Variants in PPARGC1A observed in about 807,000 individuals in gnomAD.
PPARGC1A encodes peroxisome proliferator-activated receptor gamma coactivator 1-alpha.
In PPARGC1A, 25 loss-of-function variants were observed where a neutral mutation model predicts 88.7. The observed-to-expected ratio is 0.28, with a 90% CI of 0.21 to 0.39. PPARGC1A has a LOEUF of 0.39. PPARGC1A is among the 10% of genes least tolerant of loss of function. The pLI, the probability that PPARGC1A is intolerant of heterozygous loss-of-function variation, is 1.00. For missense variants in PPARGC1A, 880 were observed against 968.7 expected, an observed-to-expected ratio of 0.91 and a Z score of 1.22; for synonymous variants, 363 against 355.6, an observed-to-expected ratio of 1.02 and a Z score of -0.24.
chr4:24,408,260 GAA>G, the PPARGC1A span, among the ~76,000 whole-genome samples: 1 of 113,886 alleles, frequency 8.8e-6, no homozygotes, highest in Admixed American at 8.7e-5. Flanking sequence ...TTCAAACAAA[GAA>G]AAAAAAAAGA....
At chr4:24,126,414 C>T in the PPARGC1A span, among the ~76,000 whole-genome samples, 1 of 152,110 alleles carries the variant, frequency 6.6e-6, no homozygotes, top group Admixed American at 6.6e-5. Context: ...TCTCTAGATC[C>T]TTGGCTTTGA....
At chr4:24,044,973 C>T in the PPARGC1A span, among the ~76,000 whole-genome samples, 1 of 152,190 alleles carries the variant, frequency 6.6e-6, no homozygotes, top group Non-Finnish European at 1.5e-5. Context: ...GTATTTTAAG[C>T]CCTACTGAGC....
chr4:24,269,216 ATAATGAATT>A, the PPARGC1A span, among the ~76,000 whole-genome samples: 1 of 152,198 alleles, frequency 6.6e-6, no homozygotes, highest in African/African-American at 2.4e-5. Context: ...AATATTTGAC[ATAATGAATT>A]TAATGAATTT....
At chr4:24,176,609 T>C in the PPARGC1A span, among the ~76,000 whole-genome samples, 1 of 152,098 alleles carries the variant, frequency 6.6e-6, no homozygotes, top group Non-Finnish European at 1.5e-5. Flanking sequence ...CCCTGGAGTG[T>C]GAAGAGCCCT....
At chr4:24,054,113 T>G in the PPARGC1A span, among the ~76,000 whole-genome samples, 1 of 152,156 alleles carries the variant, frequency 6.6e-6, no homozygotes, top group African/African-American at 2.4e-5. Flanking sequence ...TGTTGAAATC[T>G]CTAATGGAAA....
At chr4:24,375,805 G>A in the PPARGC1A span, among the ~76,000 whole-genome samples, 1 of 152,100 alleles carries the variant, frequency 6.6e-6, no homozygotes, top group Non-Finnish European at 1.5e-5. Context: ...TTAGGTTCAG[G>A]TGGAAGAGTG....
intron 10 of PPARGC1A, among the ~76,000 whole-genome samples, chr4:23,804,976 C>A (rs965112576): frequency 1.3e-5 from 2 of 152,088 alleles, no homozygotes; most frequent in Admixed American, 6.6e-5. Context: ...GTCCACTTCC[C>A]CAGGATAATA....
chr4:24,446,261 A>G, the PPARGC1A span, among the ~76,000 whole-genome samples: 1 of 152,140 alleles, frequency 6.6e-6, no homozygotes, highest in Admixed American at 6.5e-5. Flanking sequence ...TTACTTTTTT[A>G]TAATAGCCCT....
At chr4:23,992,709 T>G in the PPARGC1A span, among the ~76,000 whole-genome samples, 2 of 152,096 alleles carry the variant, frequency 1.3e-5, no homozygotes, top group South Asian at 4.1e-4. Flanking sequence ...CCATTAATTT[T>G]ATACCCACTT....
At chr4:23,966,276 G>C in the PPARGC1A span, among the ~76,000 whole-genome samples, 2 of 152,138 alleles carry the variant, frequency 1.3e-5, no homozygotes, top group Non-Finnish European at 2.9e-5. Context: ...ATCCAATAGA[G>C]CTTTCTGCAA....
chr4:23,833,257 T>C (rs1047582915), intron 2 of PPARGC1A, among the ~76,000 whole-genome samples: 1 of 152,226 alleles, frequency 6.6e-6, no homozygotes, highest in Non-Finnish European at 1.5e-5. Flanking sequence ...GGACAACCAG[T>C]ACCAACACTG....
chr4:24,387,866 A>G, the PPARGC1A span, among the ~76,000 whole-genome samples: 37 of 127,362 alleles, frequency 2.9e-4, 1 homozygote, highest in Non-Finnish European at 4.4e-4. Context: ...GAAAGAGAGA[A>G]AGGAAGAAAG....
At chr4:24,461,779 T>C in the PPARGC1A span, among the ~76,000 whole-genome samples, 1 of 152,172 alleles carries the variant, frequency 6.6e-6, no homozygotes, top group African/African-American at 2.4e-5. Context: ...CCTTCTACAC[T>C]TTCCTTCTGC....
At chr4:23,977,953 T>A in the PPARGC1A span, among the ~76,000 whole-genome samples, 1 of 152,192 alleles carries the variant, frequency 6.6e-6, no homozygotes, top group Non-Finnish European at 1.5e-5. Flanking sequence ...CTATGGGTGT[T>A]ATATTAAAAA....
the PPARGC1A span, among the ~76,000 whole-genome samples, chr4:24,332,035 C>T: frequency 6.6e-5 from 10 of 152,046 alleles, no homozygotes; most frequent in African/African-American, 2.2e-4. Flanking sequence ...CAGTTGTTGA[C>T]GTCGGGCAGT....
chr4:24,434,826 A>G, the PPARGC1A span, among the ~76,000 whole-genome samples: 1 of 152,174 alleles, frequency 6.6e-6, no homozygotes, highest in Non-Finnish European at 1.5e-5. Context: ...GAAACCTTTC[A>G]GATTCCTCCA....
At chr4:23,946,972 T>C in the PPARGC1A span, among the ~76,000 whole-genome samples, 1 of 152,116 alleles carries the variant, frequency 6.6e-6, no homozygotes, top group African/African-American at 2.4e-5. Context: ...TCATGCACTA[T>C]CTGCCTCTGG....
At chr4:24,244,697 A>G in the PPARGC1A span, among the ~76,000 whole-genome samples, 1 of 152,222 alleles carries the variant, frequency 6.6e-6, no homozygotes, top group South Asian at 2.1e-4. Context: ...ATCTTTGGTT[A>G]TCATAAATGG....
the PPARGC1A span, among the ~76,000 whole-genome samples, chr4:24,167,027 T>C: frequency 6.6e-6 from 1 of 152,198 alleles, no homozygotes; most frequent in Admixed American, 6.5e-5. Flanking sequence ...AGCAATTCCC[T>C]TGATGGATCT....
Sources: gnomAD v4.1 joint callset for allele counts (sites outside exome capture counted in the v4.1 genomes callset) on GRCh38, gnomAD v4.1.1 for gene constraint, MANE v1.5 for transcripts, NCBI Gene and HGNC (gene_info 2026-07-23, HGNC 2026-07-21) for gene names.